Variants in RNGTT observed in about 807,000 individuals in gnomAD.
RNGTT encodes the protein RNA guanylyltransferase and 5'-phosphatase, also known as mRNA-capping enzyme.
In RNGTT, 33 loss-of-function variants were observed where a neutral mutation model predicts 79.3. The observed-to-expected ratio is 0.42, with a 90% confidence interval of 0.32 to 0.56. The LOEUF (loss-of-function observed/expected upper bound fraction) is 0.56. RNGTT is among the 20% of genes least tolerant of loss of function. The pLI is 0.17. For missense variants in RNGTT, 497 were observed against 739.1 expected (o/e 0.67, Z 3.80); for synonymous variants, 222 against 235.9 (o/e 0.94, Z 0.54).
At chr6:88,946,801 C>G (rs1390942022) in intron 1 of RNGTT, among the ~76,000 whole-genome samples, 6 of 145,074 alleles carry the variant, frequency 4.1e-5, no homozygotes, top group Non-Finnish European at 9.1e-5. Context: ...ATTGCAGGCA[C>G]GCGCCGCCAC....
intron 13 of RNGTT, among the ~76,000 whole-genome samples, chr6:88,752,081 T>G (rs1777858582): frequency 6.6e-6 from 1 of 152,112 alleles, no homozygotes; most frequent in African/African-American, 2.4e-5. Context: ...ATAAAAGGAC[T>G]GCATTAACAA....
chr6:88,850,166 T>C (rs1292680419), intron 9 of RNGTT, among the ~76,000 whole-genome samples: 2 of 152,136 alleles, frequency 1.3e-5, no homozygotes, highest in South Asian at 4.1e-4. Flanking sequence ...TCAGGATCTT[T>C]TTTAAAAATA....
chr6:88,786,158 T>C (rs1779223214), intron 12 of RNGTT, among the ~76,000 whole-genome samples: 1 of 152,174 alleles, frequency 6.6e-6, no homozygotes, highest in Non-Finnish European at 1.5e-5. Context: ...TCTGTTTTTA[T>C]TTCATAGTGA....
At chr6:88,775,313 T>C (rs888439411) in intron 12 of RNGTT, among the ~76,000 whole-genome samples, 47 of 152,182 alleles carry the variant, frequency 3.1e-4, no homozygotes, top group Non-Finnish European at 4.4e-5. Context: ...AGTACAGTCA[T>C]TGTGCTGTAC....
At chr6:88,659,615 A>T (rs1463706316) in intron 14 of RNGTT, among the ~76,000 whole-genome samples, 1 of 152,050 alleles carries the variant, frequency 6.6e-6, no homozygotes, top group African/African-American at 2.4e-5. Context: ...AGAATTAAAA[A>T]AAAAAAATGA....
chr6:88,891,773 A>G, intron 7 of RNGTT, 33 bp downstream of exon 7: 1 of 1,391,800 alleles, frequency 7.2e-7, no homozygotes, highest in East Asian at 2.6e-5. Context: ...AATAAGAGCA[A>G]ATTTTATTTA....
chr6:88,636,577 T>C (rs969835692), intron 14 of RNGTT, among the ~76,000 whole-genome samples: 1 of 151,878 alleles, frequency 6.6e-6, no homozygotes, highest in Admixed American at 6.6e-5. Flanking sequence ...CTTTCTTTTA[T>C]AGATCTTTAA....
At position 88,740,277 on chromosome 6, in the gene RNGTT, G is replaced by A. The variant is rs115184675; in HGVS notation, c.1439+29497C>T. 1.1e-4 allele frequency among the ~76,000 whole-genome samples: 16 copies of A among 152,190 alleles called. No individual in the cohort carries two copies. In the East Asian group the frequency reaches 1.4e-3, roughly 13 times the overall value. On this transcript the variant is annotated intron_variant, in intron 13 of 15. Transcript: ENST00000369485. ...TCATGCCTTTAATCCTAGCACTTTG[G>A]GGGGGCCGAGGCAGGAGAATCGCTT... is the stretch of plus-strand genomic sequence containing the variant.
chr6:88,633,293 C>A (rs1420996447), intron 14 of RNGTT, among the ~76,000 whole-genome samples: 4 of 151,966 alleles, frequency 2.6e-5, no homozygotes, highest in African/African-American at 9.7e-5. Flanking sequence ...GAACATTATA[C>A]AAAGGAATTA....
chr6:88,827,995 G>A (rs1471845448), intron 11 of RNGTT, among the ~76,000 whole-genome samples: 1 of 152,138 alleles, frequency 6.6e-6, no homozygotes, highest in African/African-American at 2.4e-5. Flanking sequence ...GCCTACTACT[G>A]GCTCTGAAGA....
At chr6:88,643,632 C>T (rs957702885) in intron 14 of RNGTT, among the ~76,000 whole-genome samples, 3 of 152,166 alleles carry the variant, frequency 2.0e-5, no homozygotes, top group South Asian at 2.1e-4. Flanking sequence ...TGTAAAAGAA[C>T]AGAAATTATA....
chr6:88,855,676 A>T (rs1781821458), intron 8 of RNGTT, among the ~76,000 whole-genome samples: 1 of 151,988 alleles, frequency 6.6e-6, no homozygotes, highest in African/African-American at 2.4e-5. Context: ...GAGTGTGGGG[A>T]CTCAGGTTTC....
rs900105669 is a variant in RNGTT at position 88,906,280 on chromosome 6, T to C, written c.443+85A>G. On this transcript the variant is annotated intron_variant, in intron 5 of 15. Coordinates refer to ENST00000369485, the MANE Select transcript of RNGTT (RefSeq NM_003800.5). ...CATTAATCATGAGTTCACCAAAAAC[T>C]TGACAATACAAAATTCTGCAACTAA... 2.2e-4 allele frequency: 174 copies of C among 800,286 alleles called. 3 individuals carry two copies. The South Asian group carries it at 3.1e-3, about 14-fold the overall frequency. The allele number at this position is 800,286 out of a possible 1,614,324, so 49.6% of individuals were successfully genotyped here.
chr6:88,670,265 G>T (rs926194548), intron 14 of RNGTT, among the ~76,000 whole-genome samples: 1 of 152,190 alleles, frequency 6.6e-6, no homozygotes, highest in Admixed American at 6.5e-5. Context: ...CCAGCATTAG[G>T]ATTTAAAACT....
chr6:88,759,641 T>C (rs146495032), intron 13 of RNGTT, among the ~76,000 whole-genome samples: 2 of 152,228 alleles, frequency 1.3e-5, no homozygotes, highest in African/African-American at 4.8e-5. Flanking sequence ...TTCATATTTG[T>C]ATCTTTCTCC....
intron 7 of RNGTT, 64 bp downstream of exon 7, chr6:88,891,742 T>C: frequency 2.0e-6 from 2 of 993,052 alleles, no homozygotes; most frequent in Non-Finnish European, 2.9e-6. Context: ...GATATGTCAA[T>C]GCTTGTATTA....
At chr6:88,646,121 T>G (rs1330084415) in intron 14 of RNGTT, among the ~76,000 whole-genome samples, 1 of 152,064 alleles carries the variant, frequency 6.6e-6, no homozygotes, top group Non-Finnish European at 1.5e-5. Context: ...ATATCCAGAA[T>G]CTACAAAGAA....
chr6:88,893,041 A>AC (rs1190534754), intron 6 of RNGTT, among the ~76,000 whole-genome samples: 1 of 152,008 alleles, frequency 6.6e-6, no homozygotes, highest in Non-Finnish European at 1.5e-5. Context: ...CCATCCCTCT[A>AC]CTATTATACC....
intron 4 of RNGTT, among the ~76,000 whole-genome samples, chr6:88,923,589 T>C (rs1477855947): frequency 1.3e-5 from 2 of 152,102 alleles, no homozygotes; most frequent in African/African-American, 2.4e-5. Flanking sequence ...AGGTTCTCTG[T>C]GCAGCAGGGT....
Sources: gnomAD v4.1 joint callset for allele counts (sites outside exome capture counted in the v4.1 genomes callset) on GRCh38, gnomAD v4.1.1 for gene constraint, MANE v1.5 for transcripts, NCBI Gene and HGNC (gene_info 2026-07-23, HGNC 2026-07-21) for gene names.